The following SEPTIN11 variants were observed in gnomAD, a reference collection of about 807,000 sequenced individuals.
SEPTIN11 encodes the protein septin-11.
In SEPTIN11, 25 loss-of-function variants were observed where a neutral mutation model predicts 51.4. That is an observed-to-expected ratio of 0.49 (90% CI 0.35 to 0.68). SEPTIN11 has a LOEUF of 0.68. Among genes scored for constraint, SEPTIN11 ranks in the 30% least tolerant of loss-of-function variants. The probability of loss-of-function intolerance (pLI) is 0.00; values close to 1 mark genes in which losing one functional copy is unlikely to be tolerated. For synonymous variants in SEPTIN11, 174 were observed against 184.1 expected (o/e 0.95, Z 0.44); for missense variants, 381 against 520.8 (o/e 0.73, Z 2.61).
At chr4:77,008,925 A>G (rs1302060510) in intron 3 of SEPTIN11, among the ~76,000 whole-genome samples, 3 of 152,242 alleles carry the variant, frequency 2.0e-5, no homozygotes, top group South Asian at 2.1e-4. Context: ...TAAGCTTCCT[A>G]TCTTTCTCAC....
rs1258756566 is a variant in SEPTIN11 at position 77,005,801 on chromosome 4, A to C, written c.338+5A>C. 2.5e-6 allele frequency: 4 copies of C among 1,612,202 alleles called. No homozygotes were observed. The highest frequency in any genetic ancestry group is 3.4e-6 in the Non-Finnish European group (4 of 1,178,850). On this transcript the variant is annotated splice_donor_5th_base_variant and intron_variant, in intron 3 of 9. Coordinates refer to ENST00000264893, the MANE Select transcript of SEPTIN11 (RefSeq NM_018243.4). The stretch of plus-strand genomic sequence containing the variant: ...CCAGATAAATAAAGATGACAGGTAC[A>C]TCTTGGGATTTTGGGGGGACATGAA...
intron 7 of SEPTIN11, among the ~76,000 whole-genome samples, chr4:77,025,726 G>T (rs1560746017): frequency 6.6e-6 from 1 of 152,248 alleles, no homozygotes; most frequent in East Asian, 1.9e-4. Context: ...TAAGTTATTT[G>T]TAAGTAACTA....
At chr4:76,995,462 C>T (rs986514217) in intron 1 of SEPTIN11, among the ~76,000 whole-genome samples, 1 of 151,854 alleles carries the variant, frequency 6.6e-6, no homozygotes, top group Non-Finnish European at 1.5e-5. Flanking sequence ...ACCTGGACTC[C>T]AGTATTTTGA....
In SEPTIN11 at chr4:77,037,781, T is replaced by G; in HGVS notation, c.*3269T>G. On this transcript the variant is annotated 3_prime_UTR_variant, in exon 10 of 10. Transcript: ENST00000264893. ...GCAGTTCAGATTGTGTTTTCCCAAC[T>G]TAGGCTCTTTATTAATTGGTTAAGG... is the stretch of plus-strand genomic sequence containing the variant. 1.0e-6 allele frequency: 1 copy of G among 985,902 alleles called. No homozygotes were observed. The highest frequency in any genetic ancestry group is 1.2e-6 in the Non-Finnish European group (1 of 829,942). The allele number at this position is 985,902 out of a possible 1,614,324, so 61.1% of individuals were successfully genotyped here. A position where few individuals can be genotyped will look rare whatever the true frequency, so the allele number is the denominator to read the frequency against.
chr4:76,953,501 T>C (rs1217676968), intron 1 of SEPTIN11, among the ~76,000 whole-genome samples: 1 of 152,124 alleles, frequency 6.6e-6, no homozygotes, highest in Non-Finnish European at 1.5e-5. Context: ...AATGTTACTT[T>C]CCCTTGTTAT....
chr4:77,012,955 T>A (rs1724983325), intron 4 of SEPTIN11, among the ~76,000 whole-genome samples: 1 of 152,136 alleles, frequency 6.6e-6, no homozygotes. Context: ...ATTCCTCAGC[T>A]CCCTGGGAGC....
chr4:76,973,534 A>G (rs962578636), intron 1 of SEPTIN11, among the ~76,000 whole-genome samples: 1 of 152,240 alleles, frequency 6.6e-6, no homozygotes, highest in Non-Finnish European at 1.5e-5. Context: ...CACACAGCTC[A>G]GCATGGATTT....
intron 1 of SEPTIN11, among the ~76,000 whole-genome samples, chr4:76,993,705 G>T (rs1723504786): frequency 3.3e-5 from 5 of 152,260 alleles, no homozygotes; most frequent in Admixed American, 3.3e-4. Context: ...ACTGGGCAGA[G>T]AATTAGGCTC....
intron 6 of SEPTIN11, 114 bp downstream of exon 6, chr4:77,019,375 G>C (rs557370463): frequency 1.2e-6 from 1 of 803,336 alleles, no homozygotes; most frequent in Non-Finnish European, 1.9e-6. Context: ...CTGGCAGTGG[G>C]AGGGAGTGGT....
At chr4:76,973,527 A>C (rs955193298) in intron 1 of SEPTIN11, among the ~76,000 whole-genome samples, 3 of 152,194 alleles carry the variant, frequency 2.0e-5, no homozygotes, top group Admixed American at 6.5e-5. Context: ...AGCTCTCCAC[A>C]CAGCTCAGCA....
Position 77,036,905 on chromosome 4 carries a change from T to A in SEPTIN11, c.*2393T>A. 1 of 1,361,380 alleles carries A rather than the reference T, an allele frequency of 7.3e-7. No individual in the cohort carries two copies. 84.3% of individuals were successfully genotyped at this position (1,361,380 alleles called of 1,614,324 possible). A position where few individuals can be genotyped will look rare whatever the true frequency, so the allele number is the denominator to read the frequency against. On this transcript the variant is annotated 3_prime_UTR_variant, in exon 10 of 10. Coordinates refer to ENST00000264893, the MANE Select transcript of SEPTIN11 (RefSeq NM_018243.4). ...TCAAAATTAGAGAAAGCAAATGGGA[T>A]GGATAGATTTTTTTTTTCTTTTCAA...
At chr4:76,958,722 G>T in intron 1 of SEPTIN11, 1 of 549,168 alleles carries the variant, frequency 1.8e-6, no homozygotes, top group Non-Finnish European at 3.3e-6. Context: ...TGTTGTTGTT[G>T]TTGTTAGAAT....
Position 77,035,487 on chromosome 4 carries a change from T to C in SEPTIN11, c.*975T>C. 3.0e-6 allele frequency: 3 copies of C among 985,428 alleles called. No homozygotes were observed. The highest frequency in any genetic ancestry group is 3.6e-6 in the Non-Finnish European group (3 of 829,926). 61.0% of individuals were successfully genotyped at this position (985,428 alleles called of 1,614,324 possible). Reference sequence around the variant, plus strand: ...CAGATACTTCCCTTAGAAAATTTGCTATAAACTCTGTATCATTGGTAGCAC... The same window carrying C: ...CAGATACTTCCCTTAGAAAATTTGCCATAAACTCTGTATCATTGGTAGCAC... On this transcript the variant is annotated 3_prime_UTR_variant, in exon 10 of 10. Transcript: ENST00000264893.
chr4:76,996,700 T>C (rs549730809), intron 2 of SEPTIN11, among the ~76,000 whole-genome samples, 161 bp downstream of exon 2: 4 of 152,326 alleles, frequency 2.6e-5, no homozygotes, highest in African/African-American at 7.2e-5. Context: ...TCACAAGTTA[T>C]AAAGATTGAG....
At chr4:76,952,866 TC>T (rs1418212800) in intron 1 of SEPTIN11, among the ~76,000 whole-genome samples, 1 of 152,168 alleles carries the variant, frequency 6.6e-6, no homozygotes, top group African/African-American at 2.4e-5. Flanking sequence ...TGCGTCCAAA[TC>T]CCGGGGCAGC....
At chr4:76,973,438 G>A (rs1034403471) in intron 1 of SEPTIN11, among the ~76,000 whole-genome samples, 1 of 152,196 alleles carries the variant, frequency 6.6e-6, no homozygotes, top group East Asian at 1.9e-4. Flanking sequence ...GAGCAGCCAC[G>A]CAGCGCAGCA....
chr4:77,025,957 T>A (rs1225721784), intron 7 of SEPTIN11, among the ~76,000 whole-genome samples: 3 of 152,200 alleles, frequency 2.0e-5, no homozygotes, highest in African/African-American at 7.2e-5. Context: ...AGTTGCTCCT[T>A]AGGCTTTCTC....
chr4:76,989,957 C>T (rs755635714), intron 1 of SEPTIN11, among the ~76,000 whole-genome samples: 6 of 152,126 alleles, frequency 3.9e-5, no homozygotes, highest in Admixed American at 6.5e-5. Context: ...GTGAGTGTTG[C>T]AGCTCTTAAA....
intron 1 of SEPTIN11, among the ~76,000 whole-genome samples, chr4:76,962,441 AT>A (rs1373965795): frequency 6.6e-6 from 1 of 152,250 alleles, no homozygotes; most frequent in Non-Finnish European, 1.5e-5. Context: ...TTAACAAAAC[AT>A]TTCCATATTC....
Sources: gnomAD v4.1 joint callset for allele counts (sites outside exome capture counted in the v4.1 genomes callset) on GRCh38, gnomAD v4.1.1 for gene constraint, MANE v1.5 for transcripts, NCBI Gene and HGNC (gene_info 2026-07-23, HGNC 2026-07-21) for gene names.